EPB41L1: variants seen among roughly 807,000 people sequenced by gnomAD.
The protein encoded by EPB41L1 is erythrocyte membrane protein band 4.1 like 1.
Under a neutral mutation model 97.8 loss-of-function variants are expected in EPB41L1, and 29 were observed. The ratio of observed to expected loss-of-function variants is 0.30; its 90% CI spans 0.22 to 0.40. The LOEUF (loss-of-function observed/expected upper bound fraction) is 0.40, where lower values mean the gene tolerates loss of function less well. EPB41L1 is among the 10% of genes least tolerant of loss of function. EPB41L1 has a pLI of 1.00. For synonymous variants in EPB41L1, 383 were observed against 459.2 expected (o/e 0.83, Z 2.12); for missense variants, 812 against 1,162.3 (o/e 0.70, Z 4.38).
In EPB41L1 at chr20:36,092,490, G is replaced by A. The variant is rs1202471964; in HGVS notation, c.-65+878G>A. Reference sequence around the variant, plus strand: ...ACCGGCGCGCGGCCCCAGCTCCGGCGGCTCCGGCGGCTCCGGCGCTCCCCT... The same window carrying A: ...ACCGGCGCGCGGCCCCAGCTCCGGCAGCTCCGGCGGCTCCGGCGCTCCCCT... On this transcript the variant is annotated intron_variant, in intron 1 of 19. Transcript: ENST00000202028. This position sits in a 1 kb window ranked among gnomAD's most constrained non-coding sequence, Gnocchi z 7.0. Among the ~76,000 whole-genome samples the A allele has an allele frequency of 6.6e-6, 1 of 151,814 alleles. No homozygotes were observed. Among genetic ancestry groups the A allele is most frequent in the African/African-American group, 2.4e-5 (1 of 41,376 alleles).
In EPB41L1 at chr20:36,190,244, C is replaced by G. The variant is rs201305550; in HGVS notation, c.1027-33C>G. 11 of 1,558,030 alleles carry G rather than the reference C, an allele frequency of 7.1e-6. No individual in the cohort carries two copies. The Admixed American group carries it at 1.7e-4, about 24-fold the overall frequency. The stretch of plus-strand genomic sequence containing the variant: ...GGCTAGTGGCGAGAGTGAGCTCAGG[C>G]CCTGCCTCTAACCTGCCCTTTTGGT... On this transcript the variant is annotated intron_variant, in intron 9 of 21. Coordinates refer to ENST00000338074, the MANE Select transcript of EPB41L1 (RefSeq NM_012156.2). The surrounding 1 kb of genome is among the most constrained non-coding windows in gnomAD (Gnocchi z 5.8).
rs1318756078 is a variant in EPB41L1, at chr20:36,157,137, T to A, written c.-15+2241T>A. Among the ~76,000 whole-genome samples the A allele has an allele frequency of 2.6e-5, 4 of 151,868 alleles. No individual in the cohort carries two copies. The East Asian group carries it at 7.8e-4, about 29-fold the overall frequency. ...AACTCGGGAGGCTGAGGCAGGAGAA[T>A]CGCCTGACCCCAGGAGGCAGAGGTT... On this transcript the variant is annotated intron_variant, in intron 1 of 21. Transcript: ENST00000338074.
At chr20:36,144,537 A>G (rs374430188) in intron 2 of EPB41L1, among the ~76,000 whole-genome samples, 2 of 152,340 alleles carry the variant, frequency 1.3e-5, no homozygotes, top group South Asian at 2.1e-4. Flanking sequence ...TGCCCAGGAC[A>G]GTTAAATCTG....
chr20:36,093,905 TG>T lies in EPB41L1; in HGVS notation c.-65+2296del, dbSNP rs1257710866. Among the ~76,000 whole-genome samples, 1 of 149,990 alleles carries T rather than the reference TG, an allele frequency of 6.7e-6. No individual in the cohort carries two copies. The highest frequency in any genetic ancestry group is 2.4e-5 in the African/African-American group (1 of 40,992). ...AGTCTCACCCGTGCAGGGCTCTGGG[TG>T]GGTGGGAAGGTAGGTGGGTAGAAGC... On this transcript the variant is annotated intron_variant, in intron 1 of 19. Transcript: ENST00000202028. The surrounding 1 kb of genome is among the most constrained non-coding windows in gnomAD (Gnocchi z 5.4).
At chr20:36,144,305 C>T (rs538433649) in intron 2 of EPB41L1, among the ~76,000 whole-genome samples, 6 of 152,170 alleles carry the variant, frequency 3.9e-5, no homozygotes, top group Non-Finnish European at 5.9e-5. Context: ...CCACACAGGA[C>T]GCCACCCTCC....
At position 36,221,850 on chromosome 20, in the gene EPB41L1, C is replaced by T. The variant is rs1468269839; in HGVS notation, c.2440-14C>T. The T allele has an allele frequency of 6.2e-7, 1 of 1,613,846 alleles. No individual in the cohort carries two copies. Among genetic ancestry groups the T allele is most frequent in the East Asian group, 2.2e-5 (1 of 44,884 alleles). ...AGGACCCAAGAGTGACCTCACCTCC[C>T]TCTCCCTCTGCAGACTGTGAAAGGA... is the stretch of plus-strand genomic sequence containing the variant. On this transcript the variant is annotated splice_polypyrimidine_tract_variant and intron_variant, in intron 19 of 21. Transcript: ENST00000338074.
chr20:36,208,794 G>A (rs753198210), intron 14 of EPB41L1, among the ~76,000 whole-genome samples: 4 of 152,262 alleles, frequency 2.6e-5, no homozygotes, highest in Middle Eastern at 6.8e-3. Context: ...GCCTTGGCCC[G>A]CTGTTGTCAA....
chr20:36,132,382 C>A (rs542300404), intron 2 of EPB41L1, among the ~76,000 whole-genome samples: 4 of 152,138 alleles, frequency 2.6e-5, no homozygotes, highest in Non-Finnish European at 4.4e-5. Flanking sequence ...ATATCTCCTC[C>A]GATTCCCCCA....
intron 1 of EPB41L1, among the ~76,000 whole-genome samples, chr20:36,156,479 C>G (rs946611674): frequency 6.6e-6 from 1 of 152,212 alleles, no homozygotes; most frequent in African/African-American, 2.4e-5. Flanking sequence ...GTAAGAGTGA[C>G]TTGGCCAAGG....
intron 17 of EPB41L1, among the ~76,000 whole-genome samples, chr20:36,214,664 C>T (rs1167701116): frequency 1.3e-5 from 2 of 152,126 alleles, no homozygotes; most frequent in African/African-American, 2.4e-5. Context: ...ATGGAATCCC[C>T]ACTGATAGTG....
intron 1 of EPB41L1, among the ~76,000 whole-genome samples, chr20:36,171,058 C>T (rs114293484): frequency 0.016 from 2,407 of 151,562 alleles, 17 homozygotes; most frequent in Middle Eastern, 0.035. Context: ...AAGTGTCTCC[C>T]GGCTGTCTGG....
Position 36,154,948 on chromosome 20 carries a change from C to A in EPB41L1, c.-15+52C>A. 1 of 1,150,432 alleles carries A rather than the reference C, an allele frequency of 8.7e-7. No homozygotes were observed. The highest frequency in any genetic ancestry group is 1.1e-6 in the Non-Finnish European group (1 of 918,560). 71.3% of individuals were successfully genotyped at this position (1,150,432 alleles called of 1,614,324 possible). A position where few individuals can be genotyped will look rare whatever the true frequency, so the allele number is the denominator to read the frequency against. On this transcript the variant is annotated intron_variant, in intron 1 of 21. Transcript: ENST00000338074. This position sits in a 1 kb window ranked among gnomAD's most constrained non-coding sequence, Gnocchi z 5.5. The stretch of plus-strand genomic sequence containing the variant: ...TCTCGGGGCCGGGGGCTTGCAACAT[C>A]TAGGCCCAGCCTCCAGCCCTGGGGA...
At chr20:36,185,564 T>C (rs2061649713) in intron 7 of EPB41L1, among the ~76,000 whole-genome samples, 1 of 152,236 alleles carries the variant, frequency 6.6e-6, no homozygotes, top group African/African-American at 2.4e-5. Context: ...AGCTCCTCTA[T>C]AGGTGTGATA....
intron 2 of EPB41L1, among the ~76,000 whole-genome samples, chr20:36,127,065 G>A (rs2746107): frequency 0.054 from 8,172 of 152,262 alleles, 728 homozygotes; most frequent in African/African-American, 0.19. Flanking sequence ...GAGGGCCCCC[G>A]CAGACTGGAG....
chr20:36,105,063 G>T (rs946124706), intron 1 of EPB41L1, among the ~76,000 whole-genome samples: 1 of 152,190 alleles, frequency 6.6e-6, no homozygotes, highest in Non-Finnish European at 1.5e-5. Flanking sequence ...TTCCGGAAAA[G>T]GAGAAAGGGC....
intron 2 of EPB41L1, among the ~76,000 whole-genome samples, chr20:36,128,535 T>A (rs758749008): frequency 1.3e-5 from 2 of 152,174 alleles, no homozygotes. Context: ...AGCAAAGTAA[T>A]GAGACTGAGC....
chr20:36,181,969 G>A (rs565545767), intron 5 of EPB41L1, among the ~76,000 whole-genome samples: 1 of 152,308 alleles, frequency 6.6e-6, no homozygotes, highest in Admixed American at 6.5e-5. Context: ...ACTTACTCAT[G>A]GGGTTGTGGT....
At chr20:36,170,261 C>T (rs1283823002) in intron 1 of EPB41L1, among the ~76,000 whole-genome samples, 1 of 151,780 alleles carries the variant, frequency 6.6e-6, no homozygotes, top group South Asian at 2.1e-4. Context: ...CTTTTTTGAC[C>T]TCTAACTTAA....
chr20:36,125,383 T>G (rs1368905702), intron 2 of EPB41L1: 1 of 707,614 alleles, frequency 1.4e-6, no homozygotes, highest in Non-Finnish European at 2.6e-6. Context: ...TCTGCTAGGT[T>G]CATTTGCATT....
Sources: allele counts gnomAD v4.1 joint callset (sites outside exome capture counted in the v4.1 genomes callset), GRCh38; gene constraint gnomAD v4.1.1; non-coding constraint Gnocchi (gnomAD v3.1); transcripts MANE v1.5; gene names NCBI Gene and HGNC (gene_info 2026-07-23, HGNC 2026-07-21).